The following CAMTA1 variants were observed in gnomAD, a reference collection of about 807,000 sequenced individuals.
CAMTA1 encodes the protein calmodulin-binding transcription activator 1.
A neutral mutation model predicts 170.9 loss-of-function variants in CAMTA1; 27 were observed. The ratio of observed to expected loss-of-function variants is 0.16; its 90% confidence interval spans 0.12 to 0.22. The LOEUF is 0.22. Among genes scored for constraint, CAMTA1 ranks in the 10% least tolerant of loss-of-function variants. CAMTA1 has a pLI of 1.00. For synonymous variants in CAMTA1, 833 were observed against 891.5 expected (o/e 0.93, Z 1.17); for missense variants, 1,619 against 2,217.2 (o/e 0.73, Z 5.42).
intron 1 of CAMTA1, among the ~76,000 whole-genome samples, chr1:6,815,654 A>G (rs1557613297): frequency 1.3e-5 from 2 of 152,192 alleles, no homozygotes; most frequent in African/African-American, 4.8e-5. Context: ...GAATTAGTGG[A>G]ATTATGCTGT....
At chr1:7,142,129 G>A (rs778228699) in intron 4 of CAMTA1, 4 of 518,792 alleles carry the variant, frequency 7.7e-6, no homozygotes, top group Non-Finnish European at 1.2e-5. Context: ...GTGCCCAGAT[G>A]TTCCTCTGCA....
At chr1:6,798,458 G>C in intron 1 of CAMTA1, among the ~76,000 whole-genome samples, 1 of 152,166 alleles carries the variant, frequency 6.6e-6, no homozygotes, top group East Asian at 1.9e-4. Context: ...TTTTGAGACA[G>C]AGTCTATCTC....
chr1:7,672,938 C>T (rs567836774), intron 10 of CAMTA1, among the ~76,000 whole-genome samples: 77 of 152,306 alleles, frequency 5.1e-4, no homozygotes, highest in Non-Finnish European at 9.6e-4. Flanking sequence ...CTGCCCTGCT[C>T]GGCCTGGAGC....
rs74051053 is a variant in CAMTA1 at position 6,909,736 on chromosome 1, C to T, written c.234+84526C>T. Among the ~76,000 whole-genome samples the T allele has an allele frequency of 6.3e-3, 967 of 152,340 alleles. 12 individuals carry two copies. The highest frequency in any genetic ancestry group is 0.022 in the African/African-American group (914 of 41,570). On this transcript the variant is annotated intron_variant, in intron 3 of 22. Transcript: ENST00000303635. The stretch of plus-strand genomic sequence containing the variant: ...CATTCAGCTCTGTCCTGGACTGATT[C>T]TGTGACCTTGAGGATGAGCCAGATA...
intron 3 of CAMTA1, among the ~76,000 whole-genome samples, chr1:6,977,155 G>A (rs1018007367): frequency 3.9e-5 from 6 of 152,118 alleles, no homozygotes; most frequent in African/African-American, 1.4e-4. Flanking sequence ...GGTCGTGTGG[G>A]TCGGGTCCTG....
chr1:6,810,930 G>T (rs528545142), intron 1 of CAMTA1, among the ~76,000 whole-genome samples: 118 of 152,288 alleles, frequency 7.7e-4, no homozygotes, highest in Non-Finnish European at 9.8e-4. Flanking sequence ...GTGAGGCCTT[G>T]GAGGATGCAG....
rs371607930 is a variant in CAMTA1 at position 7,664,041 on chromosome 1, C to T, written c.1494C>T (p.Tyr498=). 3.0e-5 allele frequency: 48 copies of T among 1,613,742 alleles called. 1 individual carries two copies. The highest frequency in any genetic ancestry group is 3.3e-4 in the Middle Eastern group (2 of 6,084). The change falls in exon 9 of 23, where the codon TAC becomes TAT. Residue 498 remains tyrosine, a synonymous_variant. Coordinates refer to ENST00000303635, the MANE Select transcript of CAMTA1 (RefSeq NM_015215.4). ...ATAACCCAAAGCAGGGCCAGACGTA[C>T]GGGGGTGGAGGCCTGAAAGCCGAGA... ...FLNNPKQGQT[Y]GGGGLKAEMV... is the part of the protein sequence containing the mutation.
chr1:7,365,168 C>T (rs2085866660), intron 5 of CAMTA1, among the ~76,000 whole-genome samples: 1 of 152,216 alleles, frequency 6.6e-6, no homozygotes, highest in African/African-American at 2.4e-5. Flanking sequence ...GAGGGAGGCC[C>T]CAGTGGACGC....
Position 7,670,894 on chromosome 1 carries a change from C to T in CAMTA1, c.2653-17C>T. 6.2e-7 allele frequency: 1 copy of T among 1,613,096 alleles called. No individual in the cohort carries two copies. The highest frequency in any genetic ancestry group is 1.1e-5 in the South Asian group (1 of 91,014). ...TGGCTCACACTCCAACTCTGTTCCC[C>T]TCTCTGTTCTCTGCAGGGAGGAGTG... On this transcript the variant is annotated splice_polypyrimidine_tract_variant and intron_variant, in intron 9 of 22. Coordinates refer to ENST00000303635, the MANE Select transcript of CAMTA1 (RefSeq NM_015215.4).
intron 3 of CAMTA1, among the ~76,000 whole-genome samples, chr1:6,828,914 G>A (rs1279932141): frequency 2.8e-4 from 8 of 28,098 alleles, no homozygotes; most frequent in Admixed American, 2.5e-3. Context: ...TTTTTTTTTT[G>A]GAGACAGAGT....
At chr1:7,703,579 G>A (rs538492976) in intron 11 of CAMTA1, among the ~76,000 whole-genome samples, 6 of 152,168 alleles carry the variant, frequency 3.9e-5, no homozygotes, top group Non-Finnish European at 8.8e-5. Context: ...TTGTTTCTGT[G>A]TGCGTTTGGG....
At chr1:6,988,241 C>T (rs891655317) in intron 3 of CAMTA1, among the ~76,000 whole-genome samples, 5 of 152,054 alleles carry the variant, frequency 3.3e-5, no homozygotes, top group African/African-American at 4.8e-5. Flanking sequence ...GGAGAAGGGC[C>T]GTGACGCTCC....
chr1:7,553,228 TGAGG>T (rs2094830496), intron 6 of CAMTA1, among the ~76,000 whole-genome samples: 1 of 12,984 alleles, frequency 7.7e-5, no homozygotes, highest in Non-Finnish European at 1.6e-4. Context: ...AGTGAATGAA[TGAGG>T]GAATGAATGA....
At chr1:7,590,554 G>A (rs1441783851) in intron 6 of CAMTA1, among the ~76,000 whole-genome samples, 1 of 152,212 alleles carries the variant, frequency 6.6e-6, no homozygotes, top group African/African-American at 2.4e-5. Flanking sequence ...TGGTTCATGA[G>A]GGCTACAGCT....
At chr1:7,235,981 T>C (rs1378070073) in intron 4 of CAMTA1, among the ~76,000 whole-genome samples, 1 of 152,218 alleles carries the variant, frequency 6.6e-6, no homozygotes, top group Admixed American at 6.5e-5. Context: ...TTTTCATATC[T>C]GGCAGATTGC....
intron 6 of CAMTA1, among the ~76,000 whole-genome samples, chr1:7,596,761 G>T (rs1047796666): frequency 3.3e-5 from 5 of 152,238 alleles, no homozygotes; most frequent in Non-Finnish European, 7.3e-5. Context: ...GGTTCTCCTA[G>T]CTTTATTGCC....
intron 3 of CAMTA1, among the ~76,000 whole-genome samples, chr1:7,060,180 AAACAGGACGTAAACAGCAGAAACC>A (rs1430351309): frequency 6.6e-6 from 1 of 152,246 alleles, no homozygotes; most frequent in Non-Finnish European, 1.5e-5. Flanking sequence ...AAAGCACCAC[AAACAGGACGTAAACAGCAGAAACC>A]AACTGACTCA....
chr1:7,255,102 A>C (rs1667166910), intron 5 of CAMTA1, among the ~76,000 whole-genome samples: 1 of 152,140 alleles, frequency 6.6e-6, no homozygotes, highest in Non-Finnish European at 1.5e-5. Context: ...AGACATGGGC[A>C]CAGGGAGGGG....
chr1:6,846,528 G>C (rs979878782), intron 3 of CAMTA1, among the ~76,000 whole-genome samples: 2 of 152,214 alleles, frequency 1.3e-5, no homozygotes, highest in African/African-American at 4.8e-5. Flanking sequence ...AAACAGAGTA[G>C]CTTGTATCAT....
Sources: gnomAD v4.1 joint callset for allele counts (sites outside exome capture counted in the v4.1 genomes callset) on GRCh38, gnomAD v4.1.1 for gene constraint, MANE v1.5 for transcripts, NCBI Gene and HGNC (gene_info 2026-07-23, HGNC 2026-07-21) for gene names.